Variants in IL5RA observed in about 807,000 individuals in gnomAD.
IL5RA encodes interleukin 5 receptor subunit alpha, also known as interleukin-5 receptor subunit alpha.
Under a neutral mutation model 50.0 loss-of-function variants are expected in IL5RA, and 49 were observed. That is an observed-to-expected ratio of 0.98 (90% CI 0.78 to 1.24). The LOEUF is 1.24. Among genes scored for constraint, IL5RA ranks in the 50% most tolerant of loss-of-function variants. IL5RA has a pLI of 0.00. For missense variants in IL5RA, 600 were observed against 500.4 expected, an observed-to-expected ratio of 1.20 and a Z score of -1.90; for synonymous variants, 202 against 174.0, an observed-to-expected ratio of 1.16 and a Z score of -1.26.
At chr3:3,105,631 C>G (rs905551857) in intron 2 of IL5RA, 8 of 142,998 alleles carry the variant, frequency 5.6e-5, no homozygotes, top group African/African-American at 1.3e-4. Flanking sequence ...TGTTCCCCCC[C>G]CCACCCCGCA....
At chr3:3,094,104 G>A (rs1192093429) in intron 8 of IL5RA, among the ~76,000 whole-genome samples, 1 of 152,106 alleles carries the variant, frequency 6.6e-6, no homozygotes, top group Admixed American at 6.6e-5. Context: ...TAGTGCTAAT[G>A]AGTTTTTTTA....
chr3:3,096,235 G>A (rs577070737), intron 7 of IL5RA, among the ~76,000 whole-genome samples: 273 of 150,814 alleles, frequency 1.8e-3, no homozygotes, highest in African/African-American at 5.2e-3. Context: ...CCGAGATCGC[G>A]CCACTGCACT....
intron 9 of IL5RA, among the ~76,000 whole-genome samples, chr3:3,084,926 C>T (rs946009314): frequency 6.6e-6 from 1 of 152,260 alleles, no homozygotes; most frequent in Non-Finnish European, 1.5e-5. Flanking sequence ...CTCCATGAGG[C>T]AGAATGTATG....
chr3:3,093,174 G>C (rs1703205949), intron 8 of IL5RA, among the ~76,000 whole-genome samples: 2 of 152,046 alleles, frequency 1.3e-5, no homozygotes, highest in South Asian at 4.2e-4. Flanking sequence ...GCCACTCTGG[G>C]AGAAATCACA....
chr3:3,090,345 C>G, intron 9 of IL5RA: 1 of 897,136 alleles, frequency 1.1e-6, no homozygotes, highest in Non-Finnish European at 1.8e-6. Flanking sequence ...CTATGTAAGG[C>G]TCCAGTCTTC....
intron 9 of IL5RA, chr3:3,090,054 C>A: frequency 1.6e-6 from 1 of 628,808 alleles, no homozygotes; most frequent in African/African-American, 1.9e-5. Context: ...CACTTGTTGG[C>A]CATGCAGAAC....
rs1323844195 is a variant in IL5RA at position 3,092,078 on chromosome 3, T to C, written c.994+146A>G. ...GCTTCATGGCAAATCTATTCCTGAT[T>C]GAAAAGGCAGTAGACCGAGAGAAAA... is the stretch of plus-strand genomic sequence containing the variant. On this transcript the variant is annotated intron_variant, in intron 9 of 11. Transcript: ENST00000446632. This position sits in a 1 kb window ranked among gnomAD's most constrained non-coding sequence, Gnocchi z 4.2. 6 of 1,416,622 alleles carry C rather than the reference T, an allele frequency of 4.2e-6. No individual in the cohort carries two copies. Among genetic ancestry groups the C allele is most frequent in the Non-Finnish European group, 5.5e-6 (6 of 1,090,098 alleles). 87.8% of individuals were successfully genotyped at this position (1,416,622 alleles called of 1,614,324 possible). A position where few individuals can be genotyped will look rare whatever the true frequency, so the allele number is the denominator to read the frequency against.
chr3:3,095,239 T>A, intron 8 of IL5RA, 60 bp downstream of exon 8: 1 of 1,379,496 alleles, frequency 7.2e-7, no homozygotes. Flanking sequence ...GAAGATAATT[T>A]TTTAAATGTT....
chr3:3,099,844 A>G (rs1353564517), intron 5 of IL5RA, among the ~76,000 whole-genome samples: 2 of 151,886 alleles, frequency 1.3e-5, no homozygotes, highest in Non-Finnish European at 2.9e-5. Context: ...TAATTTTTGT[A>G]TATTTAGTAG....
chr3:3,091,514 C>T (rs1238449612), intron 9 of IL5RA, among the ~76,000 whole-genome samples: 1 of 152,116 alleles, frequency 6.6e-6, no homozygotes, highest in African/African-American at 2.4e-5. Flanking sequence ...GGTGGATCAC[C>T]TGAAGTCAGG....
chr3:3,104,290 C>T (rs556407527), intron 3 of IL5RA, among the ~76,000 whole-genome samples: 9 of 152,296 alleles, frequency 5.9e-5, no homozygotes, highest in Admixed American at 2.6e-4. Context: ...CCACCTGCCC[C>T]GGCCTCCCAA....
intron 10 of IL5RA, among the ~76,000 whole-genome samples, chr3:3,075,748 G>A (rs552776050): frequency 5.3e-4 from 81 of 151,708 alleles, no homozygotes; most frequent in African/African-American, 1.8e-3. Context: ...ATACAGGCAC[G>A]TACCACCACG....
intron 10 of IL5RA, among the ~76,000 whole-genome samples, chr3:3,075,073 C>T (rs960897353): frequency 6.6e-6 from 1 of 152,050 alleles, no homozygotes; most frequent in African/African-American, 2.4e-5. Context: ...CAGGGAAGAC[C>T]AAATGGAAAC....
chr3:3,099,666 T>TATTATTATTATTATA (rs1343849838), intron 5 of IL5RA, among the ~76,000 whole-genome samples: 28 of 148,982 alleles, frequency 1.9e-4, no homozygotes, highest in African/African-American at 6.9e-4. Context: ...TATTTATTAT[T>TATTATTATTATTATA]ATTATTATTA....
At chr3:3,097,407 AGTCCATCACAG>A (rs1222797689) in intron 7 of IL5RA, among the ~76,000 whole-genome samples, 3 of 152,224 alleles carry the variant, frequency 2.0e-5, no homozygotes, top group Non-Finnish European at 4.4e-5. Context: ...GGGTGGCACT[AGTCCATCACAG>A]GACCCAGGGG....
At position 3,102,676 on chromosome 3, in the gene IL5RA, T is replaced by C; in HGVS notation, c.227A>G (p.Asp76Gly). Reference protein sequence around the residue: ...QVKINAPKEDDYETRITESKC... With the variant: ...QVKINAPKEDGYETRITESKC... Reference sequence around the variant, plus strand: ...ATATCCATTAGAATAAACACTTACGTCATCTTCTTTTGGAGCGTTTATTTT... The same window carrying C: ...ATATCCATTAGAATAAACACTTACGCCATCTTCTTTTGGAGCGTTTATTTT... The change falls in exon 4 of 12, where the codon GAC becomes GGC. Residue 76 changes from aspartate (D) to glycine (G), a missense_variant and splice_region_variant. Coordinates refer to ENST00000446632, the MANE Select transcript of IL5RA (RefSeq NM_175726.4). 1 of 1,581,006 alleles carries C rather than the reference T, an allele frequency of 6.3e-7. No individual in the cohort carries two copies. Among genetic ancestry groups the C allele is most frequent in the Non-Finnish European group, 8.6e-7 (1 of 1,157,082 alleles).
chr3:3,100,917 C>T (rs764396059), intron 5 of IL5RA, among the ~76,000 whole-genome samples: 172 of 151,478 alleles, frequency 1.1e-3, no homozygotes, highest in Non-Finnish European at 1.2e-3. Flanking sequence ...GAGGCCGAGG[C>T]GGGTGGATGG....
At chr3:3,080,971 C>T (rs570410943) in intron 9 of IL5RA, among the ~76,000 whole-genome samples, 2 of 152,360 alleles carry the variant, frequency 1.3e-5, no homozygotes, top group Admixed American at 6.5e-5. Context: ...GCTGAGATTA[C>T]AAGCGTGACC....
At chr3:3,103,008 G>T (rs1005862359) in intron 3 of IL5RA, 188 bp from the exon 4 acceptor site, 7 of 471,672 alleles carry the variant, frequency 1.5e-5, no homozygotes, top group Non-Finnish European at 2.2e-5. Context: ...CCGAGTAGCT[G>T]GGACTACAGG....
Sources: allele counts gnomAD v4.1 joint callset (sites outside exome capture counted in the v4.1 genomes callset), GRCh38; gene constraint gnomAD v4.1.1; non-coding constraint Gnocchi (gnomAD v3.1); transcripts MANE v1.5; gene names NCBI Gene and HGNC (gene_info 2026-07-23, HGNC 2026-07-21).